The following CYP17A1 variants were observed in gnomAD, a reference collection of about 807,000 sequenced individuals.
The protein encoded by CYP17A1 is steroid 17-alpha-hydroxylase/17,20 lyase.
Under a neutral mutation model 38.5 loss-of-function variants are expected in CYP17A1, and 27 were observed. The ratio of observed to expected loss-of-function variants is 0.70; its 90% CI spans 0.52 to 0.97. The LOEUF is 0.97. Among genes scored for constraint, CYP17A1 ranks in the 50% least tolerant of loss-of-function variants. The probability of loss-of-function intolerance (pLI) is 0.00; values close to 1 mark genes in which losing one functional copy is unlikely to be tolerated. For synonymous variants in CYP17A1, 263 were observed against 253.3 expected (o/e 1.04, Z -0.36); for missense variants, 549 against 645.9 (o/e 0.85, Z 1.63).
rs1844136669 is a variant in CYP17A1, at chr10:102,834,712, G to A, written c.666+73C>T. On this transcript the variant is annotated intron_variant, in intron 3 of 7. Coordinates refer to ENST00000369887, the MANE Select transcript of CYP17A1 (RefSeq NM_000102.4). The stretch of plus-strand genomic sequence containing the variant: ...GGGTCATTGCGGCTGGAGCAGGGAA[G>A]TAAAAAGGAAGGAAGATTGGGGACA... 4 of 1,610,772 alleles carry A rather than the reference G, an allele frequency of 2.5e-6. No individual in the cohort carries two copies. In the African/African-American group the frequency reaches 4.0e-5, roughly 16 times the overall value.
At chr10:102,836,933 T>C (rs1844169924) in intron 1 of CYP17A1, 132 bp downstream of exon 1, 3 of 757,562 alleles carry the variant, frequency 4.0e-6, no homozygotes, top group Non-Finnish European at 7.3e-6. Context: ...TCCCTTCACA[T>C]CATCCCACTA....
At chr10:102,836,096 C>T (rs1232860726) in intron 1 of CYP17A1, among the ~76,000 whole-genome samples, 2 of 152,120 alleles carry the variant, frequency 1.3e-5, no homozygotes, top group African/African-American at 4.8e-5. Flanking sequence ...GAGGTGGGAG[C>T]TAGGTAGTTG....
chr10:102,830,833 C>A lies in CYP17A1; in HGVS notation c.1396G>T (p.Glu466Ter). The A allele has an allele frequency of 6.3e-7, 1 of 1,596,928 alleles. No individual in the cohort carries two copies. The change falls in exon 8 of 8, where the codon GAG (glutamate) becomes TAG (stop). Residue 466 changes from glutamate (E) to a stop codon, truncating the protein, a stop_gained. Coordinates refer to ENST00000369887, the MANE Select transcript of CYP17A1 (RefSeq NM_000102.4). LOFTEE classifies it high-confidence loss of function. This position sits in a 1 kb window ranked among gnomAD's most constrained non-coding sequence, Gnocchi z 4.1. ...MAWLLQRFDLEVPDDGQLPSL... is the reference protein window; with the variant it reads ...MAWLLQRFDL ...GGCAGCTGCCCATCATCTGGCACCT[C>A]CAGGTCGAACCTCTGCAGCAGCCAG... is the stretch of plus-strand genomic sequence containing the variant.
chr10:102,833,101 A>T lies in CYP17A1; in HGVS notation c.861T>A (p.Leu287=). Residue 287 remains leucine (L), a synonymous_variant, in exon 5 of 8, where the codon CTT becomes CTA. Transcript: ENST00000369887. ...TGGTGGTGAGAATGTGGTTATCTGA[A>T]AGCAGCTCTGAGTCTTGATCTGGGC... ...NAGPDQDSEL[L]SDNHILTTIG... The T allele has an allele frequency of 6.2e-7, 1 of 1,614,116 alleles. No individual in the cohort carries two copies. The highest frequency in any genetic ancestry group is 8.5e-7 in the Non-Finnish European group (1 of 1,180,020).
intron 6 of CYP17A1, among the ~76,000 whole-genome samples, chr10:102,832,299 C>T (rs545253257): frequency 3.3e-5 from 5 of 152,198 alleles, no homozygotes; most frequent in African/African-American, 1.2e-4. Flanking sequence ...GTCTTGAACC[C>T]CTGACCTCAT....
At position 102,835,385 on chromosome 10, in the gene CYP17A1, A is replaced by G. The variant is rs769319989; in HGVS notation, c.305T>C (p.Leu102Pro). The change falls in exon 2 of 8, where the codon CTA becomes CCA. Residue 102 changes from leucine (L) to proline (P), a missense_variant. By Grantham distance (98) the Leu-to-Pro change is moderately conservative (BLOSUM62 -3). Around this residue, in one of 3 missense-constraint regions of CYP17A1, gnomAD observed 289 missense variants for 320.9 expected, o/e 0.90. Coordinates refer to ENST00000369887, the MANE Select transcript of CYP17A1 (RefSeq NM_000102.4). ...DFSGRPQMAT[L>P]DIASNNRKGI... The stretch of plus-strand genomic sequence containing the variant: ...CTTACGGTTGTTGGACGCGATGTCT[A>G]GAGTTGCCTTTAGAGAGCAGGCAAG... 1 of 1,612,830 alleles carries G rather than the reference A, an allele frequency of 6.2e-7. No individual in the cohort carries two copies. The highest frequency in any genetic ancestry group is 1.1e-5 in the South Asian group (1 of 91,056).
chr10:102,835,136 G>T, intron 2 of CYP17A1, 118 bp downstream of exon 2: 2 of 1,120,676 alleles, frequency 1.8e-6, no homozygotes, highest in South Asian at 1.2e-5. Context: ...GGCAGCAGTA[G>T]CCAAGAAAAG....
In CYP17A1 at chr10:102,837,221, G is replaced by T. The variant is rs373956023; in HGVS notation, c.141C>A (p.Gly47=). 8.7e-6 allele frequency: 14 copies of T among 1,609,396 alleles called. No individual in the cohort carries two copies. In the African/African-American group the frequency reaches 1.7e-4, roughly 20 times the overall value. The change falls in exon 1 of 8, where the codon GGC becomes GGA. Residue 47 remains glycine, a synonymous_variant. Coordinates refer to ENST00000369887, the MANE Select transcript of CYP17A1 (RefSeq NM_000102.4). The part of the protein sequence containing the change: ...VGSLPFLPRH[G]HMHNNFFKLQ... Reference sequence around the variant, plus strand: ...GCTTGAAGAAGTTGTTATGCATATGGCCGTGTCTGGGGAGGAATGGCAGGC... The same window carrying T: ...GCTTGAAGAAGTTGTTATGCATATGTCCGTGTCTGGGGAGGAATGGCAGGC...
At chr10:102,832,324 G>A (rs1031662559) in intron 6 of CYP17A1, among the ~76,000 whole-genome samples, 187 bp downstream of exon 6, 14 of 152,202 alleles carry the variant, frequency 9.2e-5, no homozygotes, top group African/African-American at 3.4e-4. Flanking sequence ...CACCCGCCTC[G>A]ACCTCCCAAA....
Position 102,837,131 on chromosome 10 carries a change from G to A in CYP17A1, c.231C>T (p.Gly77=). Residue 77 remains glycine (G), a synonymous_variant, in exon 1 of 8, where the codon GGC becomes GGT. Transcript: ENST00000369887. ...RMGTKTTVIV[G]HHQLAKEVLI... is the part of the protein sequence containing the mutation. ...GCACCTCCTTGGCCAGCTGGTGGTG[G>A]CCGACAATCACTGTAGTCTTGGTGC... The A allele has an allele frequency of 6.2e-7, 1 of 1,602,398 alleles. No individual in the cohort carries two copies. The highest frequency in any genetic ancestry group is 8.6e-7 in the Non-Finnish European group (1 of 1,169,272).
chr10:102,831,048 C>T lies in CYP17A1; in HGVS notation c.1244-63G>A, dbSNP rs564151723. ...AGGAGGGAGGAGAGGCATGGTTCTG[C>T]CCTGGTTGAGGGGGAGACATGGCCC... is the stretch of plus-strand genomic sequence containing the variant. On this transcript the variant is annotated intron_variant, in intron 7 of 7. Coordinates refer to ENST00000369887, the MANE Select transcript of CYP17A1 (RefSeq NM_000102.4). 177 of 1,160,664 alleles carry T rather than the reference C, an allele frequency of 1.5e-4. 6 individuals are homozygous for T. In the South Asian group the frequency reaches 2.3e-3, roughly 15 times the overall value. 71.9% of individuals were successfully genotyped at this position (1,160,664 alleles called of 1,614,324 possible).
intron 5 of CYP17A1, 64 bp from the exon 6 acceptor site, chr10:102,832,744 A>T (rs1844107659): frequency 7.9e-7 from 1 of 1,273,854 alleles, no homozygotes; most frequent in African/African-American, 1.5e-5. Flanking sequence ...AAGGGCTTAG[A>T]GAAGAATCCA....
intron 6 of CYP17A1, 113 bp from the exon 7 acceptor site, chr10:102,831,724 T>G: frequency 6.6e-7 from 1 of 1,521,660 alleles, no homozygotes; most frequent in Non-Finnish European, 8.9e-7. Context: ...TACTCCCTCA[T>G]TCCCACTCAC....
At position 102,837,241 on chromosome 10, in the gene CYP17A1, G is replaced by T. The variant is rs774295656; in HGVS notation, c.121C>A (p.Pro41Thr). The T allele has an allele frequency of 1.9e-6, 3 of 1,606,262 alleles. No individual in the cohort carries two copies. The highest frequency in any genetic ancestry group is 3.3e-5 in the Admixed American group (2 of 60,018). ...LLSLPLVGSL[P>T]FLPRHGHMHN... The stretch of plus-strand genomic sequence containing the variant: ...ATATGGCCGTGTCTGGGGAGGAATG[G>T]CAGGCTGCCCACCAGGGGCAGGGAC... The change falls in exon 1 of 8, where the codon CCA (proline) becomes ACA (threonine). Residue 41 changes from proline to threonine, a missense_variant. Pro to Thr is a conservative substitution (Grantham distance 38, BLOSUM62 -1). Around this residue, in one of 3 missense-constraint regions of CYP17A1, gnomAD observed 289 missense variants for 320.9 expected, o/e 0.90. Coordinates refer to ENST00000369887, the MANE Select transcript of CYP17A1 (RefSeq NM_000102.4).
chr10:102,833,297 CAAG>C (rs1844116392), intron 4 of CYP17A1, 89 bp from the exon 5 acceptor site: 1 of 1,605,106 alleles, frequency 6.2e-7, no homozygotes, highest in African/African-American at 1.3e-5. Flanking sequence ...CTAGAGATAA[CAAG>C]GCTCCTTCCA....
rs774995068 is a variant in CYP17A1 at position 102,835,062 on chromosome 10, C to A, written c.437-48G>T. ...GGTGGGAAATGAATCAGCACCCTTA[C>A]CCCCTCTCTGTACCAGTTGCCTCTT... On this transcript the variant is annotated intron_variant, in intron 2 of 7. Transcript: ENST00000369887. 12 of 1,253,036 alleles carry A rather than the reference C, an allele frequency of 9.6e-6. No individual in the cohort carries two copies. The East Asian group carries it at 1.6e-4, about 17-fold the overall frequency. 77.6% of individuals were successfully genotyped at this position (1,253,036 alleles called of 1,614,324 possible). A position where few individuals can be genotyped will look rare whatever the true frequency, so the allele number is the denominator to read the frequency against.
At chr10:102,835,223 C>T in intron 2 of CYP17A1, 31 bp downstream of exon 2, 1 of 1,597,180 alleles carries the variant, frequency 6.3e-7, no homozygotes, top group Non-Finnish European at 8.6e-7. Flanking sequence ...TGGGATCCAG[C>T]CCCAGCCCCA....
intron 3 of CYP17A1, chr10:102,834,365 TC>T (rs1194872719): frequency 1.2e-5 from 7 of 570,234 alleles, no homozygotes; most frequent in Non-Finnish European, 2.3e-5. Context: ...CAATCAAACA[TC>T]AAGCGCTGAC....
chr10:102,834,553 G>A (rs1330670838), intron 3 of CYP17A1: 2 of 620,342 alleles, frequency 3.2e-6, no homozygotes, highest in African/African-American at 3.7e-5. Context: ...CATGGTAATT[G>A]GAAAAGAAAT....
Sources: allele counts gnomAD v4.1 joint callset (sites outside exome capture counted in the v4.1 genomes callset), GRCh38; gene constraint gnomAD v4.1.1; regional missense constraint gnomAD v4.1.1; non-coding constraint Gnocchi (gnomAD v3.1); transcripts MANE v1.5; gene names NCBI Gene and HGNC (gene_info 2026-07-23, HGNC 2026-07-21).